The following MICAL2 variants were observed in gnomAD, a reference collection of about 807,000 sequenced individuals.
MICAL2 encodes [F-actin]-monooxygenase MICAL2.
In MICAL2, 77 loss-of-function variants were observed where a neutral mutation model predicts 127.3. That is an observed-to-expected ratio of 0.60 (90% confidence interval 0.50 to 0.73). The LOEUF is 0.73. MICAL2 is among the 30% of genes least tolerant of loss of function. The probability of loss-of-function intolerance (pLI) is 0.00; values close to 1 mark genes in which losing one functional copy is unlikely to be tolerated. For missense variants in MICAL2, 1,351 were observed against 1,434.4 expected (o/e 0.94, Z 0.94); for synonymous variants, 570 against 551.1 (o/e 1.03, Z -0.48).
In MICAL2 at chr11:12,216,852, G is replaced by A. The variant is rs146707101; in HGVS notation, c.948+533G>A. Among the ~76,000 whole-genome samples, 351 of 152,278 alleles carry A rather than the reference G, an allele frequency of 2.3e-3. 2 individuals carry two copies. Among genetic ancestry groups the A allele is most frequent in the African/African-American group, 7.7e-3 (319 of 41,550 alleles). On this transcript the variant is annotated intron_variant, in intron 8 of 27. Transcript: ENST00000683283. ...CCTCAGTCTTCTTATCTACAAAATA[G>A]GAATGATAGTTTCTGCCTGAAAGGG...
downstream of MICAL2, among the ~76,000 whole-genome samples, chr11:12,297,193 A>G (rs138917520): frequency 8.6e-3 from 1,306 of 152,272 alleles, 25 homozygotes; most frequent in African/African-American, 0.03. Flanking sequence ...CTCGATTTCT[A>G]CATTTGCACT....
chr11:12,248,750 G>GACCTGGTAGGAGGATAAATCTCAGTGAC (rs1861123182), intron 21 of MICAL2, among the ~76,000 whole-genome samples: 1 of 149,652 alleles, frequency 6.7e-6, no homozygotes. Flanking sequence ...GCCTTTGTTT[G>GACCTGGTAGGAGGATAAATCTCAGTGAC]ACCTGGTAGG....
At chr11:12,350,030 T>A (rs17392414) in intron 33 of MICAL2, 31,688 of 933,702 alleles carry the variant, frequency 0.034, 1,650 homozygotes, top group Admixed American at 0.21. Context: ...CGGGACTTTT[T>A]CTCCTTGTGC....
At chr11:12,164,477 G>GA (rs779159807) in intron 3 of MICAL2, among the ~76,000 whole-genome samples, 22 of 152,176 alleles carry the variant, frequency 1.4e-4, no homozygotes, top group Non-Finnish European at 2.9e-4. Context: ...CAAAGAACAG[G>GA]AAAATCATTG....
chr11:12,358,658 G>A (rs1939165901), downstream of MICAL2: 1 of 501,774 alleles, frequency 2.0e-6, no homozygotes, highest in African/African-American at 1.9e-5. Flanking sequence ...TTCTTCCAGA[G>A]ATTCAAATGA....
At chr11:12,180,657 C>T (rs967368379) in intron 3 of MICAL2, among the ~76,000 whole-genome samples, 4 of 151,992 alleles carry the variant, frequency 2.6e-5, no homozygotes, top group Non-Finnish European at 5.9e-5. Flanking sequence ...GGATTATTAT[C>T]CCCACTTTAC....
chr11:12,221,583 A>G (rs910325011), intron 9 of MICAL2, 61 bp from the exon 10 acceptor site: 44 of 1,225,600 alleles, frequency 3.6e-5, no homozygotes, highest in Middle Eastern at 1.9e-4. Flanking sequence ...GCTGGGTCCA[A>G]TGAGATCATA....
chr11:12,121,078 TG>T (rs1850468081), intron 1 of MICAL2, among the ~76,000 whole-genome samples: 3 of 152,244 alleles, frequency 2.0e-5, no homozygotes, highest in Admixed American at 2.0e-4. Flanking sequence ...CAGCCCTTTT[TG>T]GAACTCCTGG....
chr11:12,199,822 G>A (rs888806547), intron 3 of MICAL2, among the ~76,000 whole-genome samples: 7 of 152,150 alleles, frequency 4.6e-5, no homozygotes, highest in African/African-American at 7.2e-5. Flanking sequence ...CCTGAACACC[G>A]CCGAGCTTAT....
intron 32 of MICAL2, among the ~76,000 whole-genome samples, chr11:12,337,457 G>A (rs1489489335): frequency 6.6e-6 from 1 of 152,114 alleles, no homozygotes; most frequent in Non-Finnish European, 1.5e-5. Context: ...ATTTCCTTCA[G>A]TTCTGCTCTG....
intron 1 of MICAL2, among the ~76,000 whole-genome samples, chr11:12,124,710 G>A (rs994454662): frequency 3.3e-5 from 5 of 152,186 alleles, no homozygotes; most frequent in African/African-American, 1.2e-4. Context: ...TCATTCCAGT[G>A]TTGGTTCTTT....
intron 29 of MICAL2, among the ~76,000 whole-genome samples, chr11:12,299,050 A>G (rs1187697257): frequency 6.6e-6 from 1 of 152,174 alleles, no homozygotes; most frequent in Non-Finnish European, 1.5e-5. Context: ...CTTGCTTAGC[A>G]TGGAGAGCTA....
chr11:12,162,412 A>C lies in MICAL2; in HGVS notation c.257A>C (p.Asn86Thr). 2 of 1,614,186 alleles carry C rather than the reference A, an allele frequency of 1.2e-6. No individual in the cohort carries two copies. The highest frequency in any genetic ancestry group is 1.7e-6 in the Non-Finnish European group (2 of 1,179,988). ...TATAAGCGAGGGAAGTCGTGCACGA[A>C]CACCAAGGTAAGGGGAAACCCTCCT... ...KEYKRGKSCTNTKCLIVGGGP... is the reference protein window; with the variant it reads ...KEYKRGKSCTTTKCLIVGGGP... Residue 86 changes from asparagine to threonine, a missense_variant, in exon 3 of 28, where the codon AAC (asparagine) becomes ACC (threonine). Transcript: ENST00000683283.
chr11:12,171,939 T>G (rs1175121746), intron 3 of MICAL2, among the ~76,000 whole-genome samples: 1 of 152,250 alleles, frequency 6.6e-6, no homozygotes, highest in Non-Finnish European at 1.5e-5. Flanking sequence ...AAATGATTAC[T>G]GAGATATTTT....
At chr11:12,255,551 C>T in intron 22 of MICAL2, 92 bp from the exon 23 acceptor site, 1 of 1,108,192 alleles carries the variant, frequency 9.0e-7, no homozygotes, top group South Asian at 1.4e-5. Flanking sequence ...GGTGAGGAGC[C>T]CTCTCCCCAT....
At chr11:12,301,435 T>G (rs1231356209) in intron 29 of MICAL2, among the ~76,000 whole-genome samples, 2 of 152,242 alleles carry the variant, frequency 1.3e-5, no homozygotes, top group Non-Finnish European at 2.9e-5. Context: ...GTTGTTCTGA[T>G]TGTGAATAGT....
intron 1 of MICAL2, among the ~76,000 whole-genome samples, chr11:12,116,168 C>T (rs1274544994): frequency 2.6e-5 from 4 of 151,418 alleles, no homozygotes; most frequent in East Asian, 1.9e-4. Context: ...TTAGTAGAGA[C>T]GGGGTTTCAC....
intron 32 of MICAL2, among the ~76,000 whole-genome samples, chr11:12,347,635 C>T (rs929189799): frequency 6.6e-6 from 1 of 151,782 alleles, no homozygotes; most frequent in African/African-American, 2.4e-5. Flanking sequence ...TAAAATAATA[C>T]AATAAAAAAT....
chr11:12,254,289 C>T (rs928163976), intron 22 of MICAL2: 1 of 152,240 alleles, frequency 6.6e-6, no homozygotes, highest in Non-Finnish European at 1.5e-5. Flanking sequence ...CCCACAAACT[C>T]GGGAGACAGG....
Sources: gnomAD v4.1 joint callset for allele counts (sites outside exome capture counted in the v4.1 genomes callset) on GRCh38, gnomAD v4.1.1 for gene constraint, MANE v1.5 for transcripts, NCBI Gene and HGNC (gene_info 2026-07-23, HGNC 2026-07-21) for gene names.